The following CNTNAP4 variants were observed in gnomAD, a reference collection of about 807,000 sequenced individuals.
CNTNAP4 encodes contactin associated protein family member 4.
A neutral mutation model predicts 148.4 loss-of-function variants in CNTNAP4; 98 were observed. The ratio of observed to expected loss-of-function variants is 0.66; its 90% confidence interval spans 0.56 to 0.78. CNTNAP4 has a LOEUF of 0.78. Among genes scored for constraint, CNTNAP4 ranks in the 30% least tolerant of loss-of-function variants. The pLI is 0.00. For synonymous variants in CNTNAP4, 730 were observed against 565.1 expected (o/e 1.29, Z -4.14); for missense variants, 1,935 against 1,565.6 (o/e 1.24, Z -3.98).
intron 4 of CNTNAP4, among the ~76,000 whole-genome samples, chr16:76,445,248 A>G (rs925887421): frequency 6.6e-6 from 1 of 152,146 alleles, no homozygotes. Context: ...CAACTACCTT[A>G]AGTGACTCCA....
intron 1 of CNTNAP4, 60 bp from the exon 2 acceptor site, chr16:76,316,353 T>C: frequency 1.9e-6 from 2 of 1,073,116 alleles, no homozygotes; most frequent in Non-Finnish European, 2.9e-6. Flanking sequence ...GTTTTGTCTA[T>C]TGATTCCACG....
At chr16:76,414,786 A>T (rs1169046102) in intron 3 of CNTNAP4, among the ~76,000 whole-genome samples, 2 of 151,310 alleles carry the variant, frequency 1.3e-5, no homozygotes, top group Non-Finnish European at 3.0e-5. Context: ...AAATTTGTAA[A>T]ATTAGTGGCA....
At chr16:76,457,943 C>G (rs2080798080) in intron 8 of CNTNAP4, among the ~76,000 whole-genome samples, 3 of 151,936 alleles carry the variant, frequency 2.0e-5, no homozygotes, top group Admixed American at 6.6e-5. Context: ...AAATTCTTGC[C>G]CCATGCCCTC....
intron 3 of CNTNAP4, among the ~76,000 whole-genome samples, chr16:76,402,371 T>C (rs1216817425): frequency 6.6e-6 from 1 of 152,066 alleles, no homozygotes; most frequent in African/African-American, 2.4e-5. Context: ...GTTTTTTTTT[T>C]CTGTGAGGTC....
At chr16:76,439,305 T>G (rs1026255331) in intron 4 of CNTNAP4, among the ~76,000 whole-genome samples, 5 of 151,954 alleles carry the variant, frequency 3.3e-5, no homozygotes, top group Non-Finnish European at 5.9e-5. Flanking sequence ...AAAAGAGAGA[T>G]AACTTTGAGA....
chr16:76,398,462 C>T lies in CNTNAP4; in HGVS notation c.391-28990C>T, dbSNP rs200138181. ...TACCGTGTCTTCCCTACCCACTTTT[C>T]CAGCCATGGACACTGAGGTTGCTTT... On this transcript the variant is annotated intron_variant, in intron 3 of 23. Transcript: ENST00000611870. 3.3e-5 allele frequency among the ~76,000 whole-genome samples: 5 copies of T among 152,252 alleles called. No individual in the cohort carries two copies. The East Asian group carries it at 7.7e-4, about 24-fold the overall frequency.
At chr16:76,416,045 C>T (rs1263540865) in intron 3 of CNTNAP4, among the ~76,000 whole-genome samples, 1 of 150,578 alleles carries the variant, frequency 6.6e-6, no homozygotes, top group Non-Finnish European at 1.5e-5. Flanking sequence ...TAACTTCTAT[C>T]CTTAACTCAT....
At chr16:76,441,136 G>T (rs905448214) in intron 4 of CNTNAP4, among the ~76,000 whole-genome samples, 1 of 152,060 alleles carries the variant, frequency 6.6e-6, no homozygotes. Context: ...ATACAAAAGC[G>T]GAACTCTGAA....
chr16:76,468,489 A>G (rs755752152), intron 10 of CNTNAP4, among the ~76,000 whole-genome samples: 5 of 151,948 alleles, frequency 3.3e-5, no homozygotes, highest in East Asian at 1.9e-4. Flanking sequence ...AAATAAATAA[A>G]TAAATAATAT....
chr16:76,541,366 T>C (rs951243279), intron 21 of CNTNAP4, among the ~76,000 whole-genome samples: 1 of 152,236 alleles, frequency 6.6e-6, no homozygotes, highest in Non-Finnish European at 1.5e-5. Context: ...AAATGCACTG[T>C]TGCCATTTTA....
Position 76,363,059 on chromosome 16 carries a change from A to T in CNTNAP4, c.390+7548A>T, listed in dbSNP as rs545287202. ...AATATAGCAAGACCCATGCTCTATT[A>T]AAAAAAAAAAAATAGACAATGGGGA... is the stretch of plus-strand genomic sequence containing the variant. On this transcript the variant is annotated intron_variant, in intron 3 of 23. Transcript: ENST00000611870. 7.7e-3 allele frequency among the ~76,000 whole-genome samples: 758 copies of T among 97,914 alleles called. 7 individuals carry two copies. Among genetic ancestry groups the T allele is most frequent in the African/African-American group, 0.029 (721 of 24,604 alleles). The allele number at this position is 97,914 out of a possible 152,430, so 64.2% of individuals were successfully genotyped here.
intron 2 of CNTNAP4, among the ~76,000 whole-genome samples, chr16:76,352,298 A>G (rs1567815518): frequency 1.3e-5 from 2 of 152,270 alleles, no homozygotes; most frequent in African/African-American, 2.4e-5. Flanking sequence ...CAGTGGAGAG[A>G]AAAACTCATC....
intron 17 of CNTNAP4, 72 bp from the exon 18 acceptor site, chr16:76,535,473 G>T: frequency 6.5e-7 from 1 of 1,542,776 alleles, no homozygotes; most frequent in Non-Finnish European, 8.8e-7. Flanking sequence ...TAAGGCCTCA[G>T]TTTTGTTTGG....
rs566517378 is a variant in CNTNAP4, at chr16:76,290,128, G to C, written c.85+12381G>C. On this transcript the variant is annotated intron_variant, in intron 1 of 23. Coordinates refer to ENST00000611870, the MANE Select transcript of CNTNAP4 (RefSeq NM_033401.5). ...CCCTGTGTTATTTTATTCTCACACA[G>C]GCCTGTGAGACAAGTGTTACTATGA... Among the ~76,000 whole-genome samples the C allele has an allele frequency of 2.6e-5, 4 of 152,264 alleles. No individual in the cohort carries two copies. The South Asian group carries it at 8.3e-4, about 32-fold the overall frequency.
intron 9 of CNTNAP4, among the ~76,000 whole-genome samples, chr16:76,465,262 GC>G (rs1390479866): frequency 6.6e-6 from 1 of 152,130 alleles, no homozygotes; most frequent in African/African-American, 2.4e-5. Flanking sequence ...CTCAAATTGG[GC>G]TCAGTGCTGA....
chr16:76,487,769 T>C (rs1425990219), intron 12 of CNTNAP4, among the ~76,000 whole-genome samples: 1 of 152,220 alleles, frequency 6.6e-6, no homozygotes, highest in African/African-American at 2.4e-5. Context: ...AATATTGAAA[T>C]ATTTTAGAAT....
At chr16:76,384,015 TTTTG>T (rs879541054) in intron 3 of CNTNAP4, among the ~76,000 whole-genome samples, 21 of 152,180 alleles carry the variant, frequency 1.4e-4, no homozygotes, top group South Asian at 6.2e-4. Flanking sequence ...TGTTTTTTGT[TTTTG>T]TTTGTTTGTT....
chr16:76,413,561 A>AG (rs1030579907), intron 3 of CNTNAP4, among the ~76,000 whole-genome samples: 4 of 63,296 alleles, frequency 6.3e-5, no homozygotes, highest in Admixed American at 5.4e-4. Context: ...CTTAATATCC[A>AG]GTAAAAAAAA....
In CNTNAP4 at chr16:76,327,516, A is replaced by G. The variant is rs116783763; in HGVS notation, c.196+10993A>G. On this transcript the variant is annotated intron_variant, in intron 2 of 23. Transcript: ENST00000611870. Reference sequence around the variant, plus strand: ...TGTGACCAGCTCTGTGATATGGACAATTTTTGTATGACACTTACATCCTCT... The same window carrying G: ...TGTGACCAGCTCTGTGATATGGACAGTTTTTGTATGACACTTACATCCTCT... Among the ~76,000 whole-genome samples the G allele has an allele frequency of 4.9e-3, 740 of 152,156 alleles. 3 individuals carry two copies. The highest frequency in any genetic ancestry group is 0.016 in the African/African-American group (666 of 41,514).
Sources: allele counts gnomAD v4.1 joint callset (sites outside exome capture counted in the v4.1 genomes callset), GRCh38; gene constraint gnomAD v4.1.1; transcripts MANE v1.5; gene names NCBI Gene and HGNC (gene_info 2026-07-23, HGNC 2026-07-21).